Variants in ADGRF5 observed in about 807,000 individuals in gnomAD.
ADGRF5 encodes the protein G-protein coupled receptor 116.
Under a neutral mutation model 132.3 loss-of-function variants are expected in ADGRF5, and 75 were observed. That is an observed-to-expected ratio of 0.57 (90% CI 0.47 to 0.69). The LOEUF (loss-of-function observed/expected upper bound fraction) is 0.69, where lower values mean the gene tolerates loss of function less well. ADGRF5 is among the 30% of genes least tolerant of loss of function. The pLI is 0.00. For synonymous variants in ADGRF5, 629 were observed against 597.6 expected, an observed-to-expected ratio of 1.05 and a Z score of -0.77; for missense variants, 1,516 against 1,630.6, an observed-to-expected ratio of 0.93 and a Z score of 1.21.
At chr6:46,897,379 CCTT>C (rs1774296035) in intron 3 of ADGRF5, among the ~76,000 whole-genome samples, 2 of 151,938 alleles carry the variant, frequency 1.3e-5, no homozygotes, top group Non-Finnish European at 2.9e-5. Flanking sequence ...ACCTTTGTAT[CCTT>C]CTGGCATCCA....
intron 10 of ADGRF5, 68 bp downstream of exon 10, chr6:46,878,134 C>CATCTCCCATTTCTACTTGGCCA: frequency 2.1e-6 from 2 of 967,340 alleles, no homozygotes; most frequent in Non-Finnish European, 3.4e-6. Flanking sequence ...CCATACGCCA[C>CATCTCCCATTTCTACTTGGCCA]ATCTCCCATT....
At chr6:46,864,787 G>T (rs570909692) in intron 14 of ADGRF5, among the ~76,000 whole-genome samples, 1 of 152,234 alleles carries the variant, frequency 6.6e-6, no homozygotes, top group South Asian at 2.1e-4. Flanking sequence ...GCCTCCCAAA[G>T]TGCTGGGATT....
At chr6:46,899,645 A>G (rs1236197552) in intron 3 of ADGRF5, among the ~76,000 whole-genome samples, 1 of 148,316 alleles carries the variant, frequency 6.7e-6, no homozygotes, top group Non-Finnish European at 1.5e-5. Context: ...ATAAAGTCCT[A>G]AGTAAAAGAA....
intron 1 of ADGRF5, among the ~76,000 whole-genome samples, chr6:46,952,447 G>A (rs1261160849): frequency 6.6e-6 from 1 of 152,154 alleles, no homozygotes; most frequent in Admixed American, 6.5e-5. Flanking sequence ...ACTTCGAGTG[G>A]CAGAGAATGA....
Position 46,906,774 on chromosome 6 carries a change from T to C in ADGRF5, c.-12A>G. 7.1e-7 allele frequency: 1 copy of C among 1,415,692 alleles called. No homozygotes were observed. The highest frequency in any genetic ancestry group is 1.0e-6 in the Non-Finnish European group (1 of 999,376). The allele number at this position is 1,415,692 out of a possible 1,614,324, so 87.7% of individuals were successfully genotyped here. A position where few individuals can be genotyped will look rare whatever the true frequency, so the allele number is the denominator to read the frequency against. On this transcript the variant is annotated 5_prime_UTR_variant, in exon 2 of 21. Coordinates refer to ENST00000283296, the MANE Select transcript of ADGRF5 (RefSeq NM_001098518.2). Reference sequence around the variant, plus strand: ...CTTGGGGATTTCATGTCTTCAAGTTTGAGTTGGTTGGCCTGAAATGGAAAT... The same window carrying C: ...CTTGGGGATTTCATGTCTTCAAGTTCGAGTTGGTTGGCCTGAAATGGAAAT...
chr6:46,881,950 G>T, intron 7 of ADGRF5, 99 bp downstream of exon 7: 1 of 900,216 alleles, frequency 1.1e-6, no homozygotes, highest in Non-Finnish European at 1.9e-6. Context: ...TCCTGCTGAG[G>T]ATTCCACATG....
At chr6:46,889,232 A>G (rs932800741) in intron 3 of ADGRF5, among the ~76,000 whole-genome samples, 4 of 147,070 alleles carry the variant, frequency 2.7e-5, no homozygotes, top group Non-Finnish European at 3.0e-5. Flanking sequence ...TATATATAGT[A>G]TATACAGTCT....
chr6:46,877,673 A>T (rs934062736), intron 10 of ADGRF5, among the ~76,000 whole-genome samples: 7 of 152,162 alleles, frequency 4.6e-5, no homozygotes, highest in African/African-American at 1.7e-4. Flanking sequence ...CAGAAATCAT[A>T]TGAAATGACT....
chr6:46,936,367 T>C (rs188341746), intron 1 of ADGRF5, among the ~76,000 whole-genome samples: 1 of 152,306 alleles, frequency 6.6e-6, no homozygotes, highest in East Asian at 1.9e-4. Flanking sequence ...CCTTACTGTA[T>C]CTTCTCTATC....
chr6:46,944,197 C>T lies in ADGRF5; in HGVS notation c.-25+10537G>A, dbSNP rs147023769. 4.0e-3 allele frequency among the ~76,000 whole-genome samples: 614 copies of T among 152,248 alleles called. 3 individuals carry two copies. The highest frequency in any genetic ancestry group is 0.013 in the African/African-American group (546 of 41,532). On this transcript the variant is annotated intron_variant, in intron 1 of 20. Transcript: ENST00000265417. ...CAGGGGCATGGTTTCAGGATAAAAC[C>T]GTTCAGATCATCAGCCATTAGATTC...
At chr6:46,883,737 A>C in intron 5 of ADGRF5, 72 bp from the exon 6 acceptor site, 1 of 844,152 alleles carries the variant, frequency 1.2e-6, no homozygotes, top group Non-Finnish European at 1.9e-6. Context: ...AAACATTTGT[A>C]AGCTGTTTTT....
At chr6:46,878,452 T>TC in intron 9 of ADGRF5, 47 bp from the exon 10 acceptor site, 1 of 1,138,862 alleles carries the variant, frequency 8.8e-7, no homozygotes, top group Non-Finnish European at 1.3e-6. Flanking sequence ...ACATGTGTAT[T>TC]TTCTTAGAGG....
intron 13 of ADGRF5, among the ~76,000 whole-genome samples, chr6:46,866,258 A>G (rs900093792): frequency 6.6e-6 from 1 of 152,218 alleles, no homozygotes; most frequent in African/African-American, 2.4e-5. Flanking sequence ...TTGTCCACCC[A>G]GAGATGAGGC....
intron 1 of ADGRF5, among the ~76,000 whole-genome samples, chr6:46,915,939 C>T (rs570594978): frequency 1.3e-5 from 2 of 152,238 alleles, no homozygotes; most frequent in East Asian, 3.9e-4. Flanking sequence ...TCCTCTGCAG[C>T]GCTCCCTTTC....
intron 12 of ADGRF5, 22 bp downstream of exon 12, chr6:46,868,861 C>T (rs184353744): frequency 2.3e-5 from 34 of 1,470,966 alleles, no homozygotes; most frequent in Middle Eastern, 1.7e-4. Flanking sequence ...CAGCACAATA[C>T]GGTGTCCGGC....
intron 2 of ADGRF5, among the ~76,000 whole-genome samples, chr6:46,902,066 A>G (rs1774831341): frequency 6.6e-6 from 1 of 152,216 alleles, no homozygotes; most frequent in Non-Finnish European, 1.5e-5. Flanking sequence ...TGGAATTTCA[A>G]AAGCCCAGTT....
At chr6:46,896,420 AGCATCTGT>A (rs1032383629) in intron 3 of ADGRF5, among the ~76,000 whole-genome samples, 2 of 152,174 alleles carry the variant, frequency 1.3e-5, no homozygotes, top group African/African-American at 4.8e-5. Flanking sequence ...CCTATATCAC[AGCATCTGT>A]GCCCCTGCCT....
At chr6:46,873,188 C>T (rs369286376) in intron 10 of ADGRF5, among the ~76,000 whole-genome samples, 33 of 152,256 alleles carry the variant, frequency 2.2e-4, no homozygotes, top group Middle Eastern at 6.8e-3. Context: ...CCTTCAACCC[C>T]CAGATACACT....
Position 46,852,670 on chromosome 6 carries a change from A to C in ADGRF5, c.*1322T>G, listed in dbSNP as rs1028080545. On this transcript the variant is annotated 3_prime_UTR_variant, in exon 21 of 21. Transcript: ENST00000283296. ...GCACACATGCAGATAATTCACAAACAATCAAATCCTTGGGAAAGGCTCTGC... is the reference window on the plus strand; with the variant it reads ...GCACACATGCAGATAATTCACAAACCATCAAATCCTTGGGAAAGGCTCTGC... 1 of 152,236 alleles carries C rather than the reference A, an allele frequency of 6.6e-6. No individual in the cohort carries two copies. The highest frequency in any genetic ancestry group is 1.5e-5 in the Non-Finnish European group (1 of 68,044). The allele number at this position is 152,236 out of a possible 1,614,324, so 9.4% of individuals were successfully genotyped here.
Sources: allele counts gnomAD v4.1 joint callset (sites outside exome capture counted in the v4.1 genomes callset), GRCh38; gene constraint gnomAD v4.1.1; transcripts MANE v1.5; gene names NCBI Gene and HGNC (gene_info 2026-07-23, HGNC 2026-07-21).